Variants in NUBPL observed in about 807,000 individuals in gnomAD.
NUBPL encodes iron-sulfur cluster transfer protein NUBPL.
A neutral mutation model predicts 45.7 loss-of-function variants in NUBPL; 31 were observed. The observed-to-expected ratio is 0.68, with a 90% CI of 0.51 to 0.92. NUBPL has a LOEUF of 0.92. Ranked by LOEUF, NUBPL falls within the 40% of genes least tolerant of loss-of-function variation. The pLI is 0.00. For missense variants in NUBPL, 401 were observed against 398.7 expected (o/e 1.01, Z -0.05); for synonymous variants, 144 against 140.9 (o/e 1.02, Z -0.15).
chr14:31,654,064 A>G (rs940946109), intron 4 of NUBPL: 2 of 455,320 alleles, frequency 4.4e-6, no homozygotes, highest in Admixed American at 2.4e-5. Flanking sequence ...TACTTGGTAC[A>G]TACAGGTATA....
At chr14:31,635,116 G>T (rs1248599825) in intron 4 of NUBPL, among the ~76,000 whole-genome samples, 2 of 146,332 alleles carry the variant, frequency 1.4e-5, no homozygotes, top group African/African-American at 5.2e-5. Context: ...TGTCAATTTT[G>T]CCTTTTGTTG....
At chr14:31,799,669 T>G (rs766954236) in intron 7 of NUBPL, among the ~76,000 whole-genome samples, 1 of 152,218 alleles carries the variant, frequency 6.6e-6, no homozygotes, top group Non-Finnish European at 1.5e-5. Flanking sequence ...ATACATTCCT[T>G]AAATATTTTA....
At chr14:31,820,990 G>A (rs1028117018) in intron 7 of NUBPL, among the ~76,000 whole-genome samples, 1 of 151,926 alleles carries the variant, frequency 6.6e-6, no homozygotes, top group East Asian at 1.9e-4. Flanking sequence ...GGGCATGGTG[G>A]CGCATGCCTG....
intron 7 of NUBPL, among the ~76,000 whole-genome samples, chr14:31,818,601 C>A (rs1162103889): frequency 6.6e-6 from 1 of 152,190 alleles, no homozygotes; most frequent in Non-Finnish European, 1.5e-5. Context: ...GGCTGGACTG[C>A]AGTTCACTGC....
In NUBPL at chr14:31,714,277, TAGAA is replaced by T. The variant is rs1343565263; in HGVS notation, c.513+40707_513+40710del. On this transcript the variant is annotated intron_variant, in intron 6 of 10. Transcript: ENST00000281081. ...GCCATTTTGTGGCAGAACAAGAAGA[TAGAA>T]AGACCAAAGCCTTGGCCTTTGATGA... is the stretch of plus-strand genomic sequence containing the variant. Among the ~76,000 whole-genome samples, 6 of 152,242 alleles carry T rather than the reference TAGAA, an allele frequency of 3.9e-5. No individual in the cohort carries two copies. The East Asian group carries it at 5.8e-4, about 15-fold the overall frequency.
intron 3 of NUBPL, among the ~76,000 whole-genome samples, chr14:31,594,071 A>G (rs1174374819): frequency 6.6e-6 from 1 of 152,128 alleles, no homozygotes; most frequent in African/African-American, 2.4e-5. Flanking sequence ...AAATTAGAAG[A>G]CTAAGATGAT....
chr14:31,652,068 A>C (rs1380306481), intron 4 of NUBPL, among the ~76,000 whole-genome samples: 1 of 152,180 alleles, frequency 6.6e-6, no homozygotes, highest in Non-Finnish European at 1.5e-5. Context: ...ATGGATAAAG[A>C]AAATGTGATA....
chr14:31,587,504 T>C (rs115840539), intron 3 of NUBPL, among the ~76,000 whole-genome samples: 1 of 152,348 alleles, frequency 6.6e-6, no homozygotes, highest in African/African-American at 2.4e-5. Flanking sequence ...AGTAAGTATG[T>C]GCATTTGATT....
chr14:31,785,196 T>G (rs1476391132), intron 6 of NUBPL, among the ~76,000 whole-genome samples: 1 of 152,216 alleles, frequency 6.6e-6, no homozygotes, highest in East Asian at 1.9e-4. Context: ...TATCTGAAAT[T>G]TGGTAATTGA....
At chr14:31,815,206 T>A (rs1377174030) in intron 7 of NUBPL, among the ~76,000 whole-genome samples, 20 of 152,190 alleles carry the variant, frequency 1.3e-4, no homozygotes, top group Non-Finnish European at 1.5e-5. Flanking sequence ...GTGTCCTCTC[T>A]TATTTTCTTG....
chr14:31,804,278 G>A (rs887037691), intron 7 of NUBPL, among the ~76,000 whole-genome samples: 2 of 152,156 alleles, frequency 1.3e-5, no homozygotes, highest in Non-Finnish European at 1.5e-5. Flanking sequence ...TGTAGATAAC[G>A]AAGTATATTT....
intron 4 of NUBPL, among the ~76,000 whole-genome samples, chr14:31,648,614 CT>C (rs2035918705): frequency 6.6e-6 from 1 of 152,158 alleles, no homozygotes; most frequent in Non-Finnish European, 1.5e-5. Context: ...GCCCTGTTAG[CT>C]TTGTTATTTT....
intron 6 of NUBPL, among the ~76,000 whole-genome samples, chr14:31,710,849 G>A (rs892034585): frequency 5.3e-5 from 8 of 152,238 alleles, no homozygotes; most frequent in East Asian, 1.9e-4. Context: ...CTAAAATTCC[G>A]GATAGTTCCC....
intron 6 of NUBPL, among the ~76,000 whole-genome samples, chr14:31,676,228 G>A (rs768886774): frequency 7.2e-5 from 11 of 151,928 alleles, no homozygotes; most frequent in Non-Finnish European, 1.6e-4. Flanking sequence ...TCTCCATGTT[G>A]GTTAGGCTGG....
At chr14:31,689,469 C>T (rs2037042976) in intron 6 of NUBPL, among the ~76,000 whole-genome samples, 1 of 152,074 alleles carries the variant, frequency 6.6e-6, no homozygotes, top group East Asian at 1.9e-4. Context: ...CATATGTCTT[C>T]TTTTGATAAG....
At chr14:31,687,311 TA>T in intron 6 of NUBPL, among the ~76,000 whole-genome samples, 1 of 152,188 alleles carries the variant, frequency 6.6e-6, no homozygotes, top group Non-Finnish European at 1.5e-5. Context: ...AAAAAATTAA[TA>T]AAACATCACA....
intron 6 of NUBPL, among the ~76,000 whole-genome samples, chr14:31,729,185 A>G (rs961657388): frequency 6.6e-6 from 1 of 151,898 alleles, no homozygotes; most frequent in Non-Finnish European, 1.5e-5. Flanking sequence ...AGGCTGAGGC[A>G]AGAGAATCAC....
chr14:31,637,788 A>G (rs1414411804), intron 4 of NUBPL, among the ~76,000 whole-genome samples: 1 of 152,178 alleles, frequency 6.6e-6, no homozygotes, highest in Non-Finnish European at 1.5e-5. Context: ...TTGGGTGCAT[A>G]TATATTAAGA....
intron 4 of NUBPL, among the ~76,000 whole-genome samples, chr14:31,625,403 T>C (rs1004181099): frequency 2.0e-5 from 3 of 152,106 alleles, no homozygotes; most frequent in African/African-American, 7.2e-5. Flanking sequence ...ATCTATTGAG[T>C]ATCTCTAGCC....
Sources: allele counts gnomAD v4.1 joint callset (sites outside exome capture counted in the v4.1 genomes callset), GRCh38; gene constraint gnomAD v4.1.1; transcripts MANE v1.5; gene names NCBI Gene and HGNC (gene_info 2026-07-23, HGNC 2026-07-21).